EPM2A: variants seen among roughly 807,000 people sequenced by gnomAD.
EPM2A encodes laforin.
EPM2A carries 21 observed loss-of-function variants against 26.5 expected under a neutral mutation model. The ratio of observed to expected loss-of-function variants is 0.79; its 90% CI spans 0.56 to 1.14. EPM2A has a LOEUF of 1.14. EPM2A is among the 50% of genes most tolerant of loss of function. EPM2A has a pLI of 0.00. For synonymous variants in EPM2A, 217 were observed against 177.6 expected, an observed-to-expected ratio of 1.22 and a Z score of -1.76; for missense variants, 458 against 440.8, an observed-to-expected ratio of 1.04 and a Z score of -0.35.
chr6:145,719,890 T>G (rs1298465907), intron 1 of EPM2A, among the ~76,000 whole-genome samples: 4 of 152,158 alleles, frequency 2.6e-5, no homozygotes, highest in Non-Finnish European at 5.9e-5. Context: ...GCAAAAGTAA[T>G]AGAGATCTCT....
At chr6:145,668,604 A>G (rs1446712096) in intron 2 of EPM2A, among the ~76,000 whole-genome samples, 2 of 152,124 alleles carry the variant, frequency 1.3e-5, no homozygotes, top group African/African-American at 4.8e-5. Flanking sequence ...TGAAGATACA[A>G]TAATTAAGAG....
chr6:145,534,213 C>T (rs1780400774), intron 2 of EPM2A, among the ~76,000 whole-genome samples: 1 of 152,096 alleles, frequency 6.6e-6, no homozygotes, highest in South Asian at 2.1e-4. Context: ...AATAAGGGCA[C>T]AATTTAGGCT....
At chr6:145,531,606 C>G (rs1327609058) in intron 2 of EPM2A, among the ~76,000 whole-genome samples, 1 of 152,040 alleles carries the variant, frequency 6.6e-6, no homozygotes, top group Non-Finnish European at 1.5e-5. Context: ...GTCCACACGC[C>G]CTCAGATCCT....
chr6:145,654,194 A>ATTTT (rs55978408), intron 2 of EPM2A, among the ~76,000 whole-genome samples: 3 of 148,158 alleles, frequency 2.0e-5, no homozygotes, highest in African/African-American at 7.4e-5. Context: ...AGACTATGCA[A>ATTTT]TTTTTTTTTT....
chr6:145,723,898 T>C (rs1046368534), intron 1 of EPM2A, among the ~76,000 whole-genome samples: 2 of 152,134 alleles, frequency 1.3e-5, no homozygotes, highest in African/African-American at 4.8e-5. Flanking sequence ...TGTGGATGCA[T>C]AACGTAAACT....
At chr6:145,490,455 T>C in intron 4 of EPM2A, 1 of 730,054 alleles carries the variant, frequency 1.4e-6, no homozygotes, top group Non-Finnish European at 2.5e-6. Context: ...CAAAAGGTTT[T>C]TCACCTGTAT....
intron 1 of EPM2A, among the ~76,000 whole-genome samples, chr6:145,703,060 T>A (rs1479649685): frequency 6.6e-6 from 1 of 152,078 alleles, no homozygotes; most frequent in Admixed American, 6.6e-5. Flanking sequence ...CTCTCCCAAC[T>A]TTCTCTTATC....
chr6:145,683,268 G>GGTGTGTGT (rs35326843), intron 2 of EPM2A, among the ~76,000 whole-genome samples: 15,218 of 133,764 alleles, frequency 0.11, 1,060 homozygotes, highest in Non-Finnish European at 0.14. Context: ...CCCAGGATTT[G>GGTGTGTGT]GTGTGTGTGT....
At chr6:145,441,205 G>A (rs568760121) in intron 4 of EPM2A, among the ~76,000 whole-genome samples, 28 of 152,294 alleles carry the variant, frequency 1.8e-4, no homozygotes, top group Admixed American at 9.8e-4. Flanking sequence ...AAGGCTTGGC[G>A]CTTGCACCCT....
intron 1 of EPM2A, among the ~76,000 whole-genome samples, chr6:145,723,230 A>T (rs1776032298): frequency 6.6e-6 from 1 of 152,140 alleles, no homozygotes; most frequent in Non-Finnish European, 1.5e-5. Flanking sequence ...AAAAATAGTG[A>T]TAATTAGAAG....
intron 4 of EPM2A, among the ~76,000 whole-genome samples, chr6:145,399,837 A>C (rs1298261997): frequency 1.3e-5 from 2 of 152,158 alleles, no homozygotes; most frequent in African/African-American, 4.8e-5. Flanking sequence ...CGCCCTCAAT[A>C]ATCTTTTTGG....
At chr6:145,400,125 A>G (rs1434738338) in intron 4 of EPM2A, among the ~76,000 whole-genome samples, 1 of 152,204 alleles carries the variant, frequency 6.6e-6, no homozygotes. Flanking sequence ...CCTTGGCCAC[A>G]GGGGTCCCAC....
chr6:145,409,520 G>T (rs941498207), intron 4 of EPM2A, among the ~76,000 whole-genome samples: 2 of 152,120 alleles, frequency 1.3e-5, no homozygotes, highest in African/African-American at 4.8e-5. Flanking sequence ...AAATTTCAAA[G>T]AAGTGTTCTA....
intron 4 of EPM2A, among the ~76,000 whole-genome samples, chr6:145,406,654 A>C (rs1778573439): frequency 6.6e-6 from 1 of 152,194 alleles, no homozygotes; most frequent in South Asian, 2.1e-4. Flanking sequence ...ACTTGGTCAG[A>C]GACTGGATTT....
rs180711957 is a variant in EPM2A at position 145,389,175 on chromosome 6, T to C, written c.556-5078A>G. Among the ~76,000 whole-genome samples the C allele has an allele frequency of 2.5e-3, 387 of 152,066 alleles. 1 individual carries two copies. Among genetic ancestry groups the C allele is most frequent in the Non-Finnish European group, 4.0e-3 (273 of 67,976 alleles). On this transcript the variant is annotated intron_variant, in intron 4 of 4. Transcript: ENST00000638717. Reference sequence around the variant, plus strand: ...AACCCCCTCTTCTCCTCCCTTTGACTTTTTTTCAAAGCATTCATCATCTTT... The same window carrying C: ...AACCCCCTCTTCTCCTCCCTTTGACCTTTTTTCAAAGCATTCATCATCTTT...
chr6:145,472,277 G>T (rs1347291982), intron 4 of EPM2A, among the ~76,000 whole-genome samples: 2 of 151,800 alleles, frequency 1.3e-5, no homozygotes, highest in Non-Finnish European at 2.9e-5. Flanking sequence ...GGTCCTACAT[G>T]GAGGGCCCTG....
intron 2 of EPM2A, among the ~76,000 whole-genome samples, chr6:145,515,197 A>G (rs1780108528): frequency 6.6e-6 from 1 of 152,234 alleles, no homozygotes; most frequent in Non-Finnish European, 1.5e-5. Context: ...ATCCTTGGTA[A>G]TGACTACAAC....
At chr6:145,716,672 C>T (rs573237718) in intron 1 of EPM2A, among the ~76,000 whole-genome samples, 1 of 152,056 alleles carries the variant, frequency 6.6e-6, no homozygotes, top group East Asian at 1.9e-4. Context: ...TCCTTCACCC[C>T]AAAATGCATT....
At chr6:145,576,856 A>C (rs1781038938) in intron 2 of EPM2A, among the ~76,000 whole-genome samples, 1 of 151,956 alleles carries the variant, frequency 6.6e-6, no homozygotes, top group African/African-American at 2.4e-5. Flanking sequence ...GTATAGAGAC[A>C]AAAAAAGTCA....
Sources: allele counts gnomAD v4.1 joint callset (sites outside exome capture counted in the v4.1 genomes callset), GRCh38; gene constraint gnomAD v4.1.1; transcripts MANE v1.5; gene names NCBI Gene and HGNC (gene_info 2026-07-23, HGNC 2026-07-21).